GALNTL6: variants seen among roughly 807,000 people sequenced by gnomAD.
The protein encoded by GALNTL6 is polypeptide N-acetylgalactosaminyltransferase like 6, also known as polypeptide N-acetylgalactosaminyltransferase-like 6.
Under a neutral mutation model 73.7 loss-of-function variants are expected in GALNTL6, and 46 were observed. The ratio of observed to expected loss-of-function variants is 0.62; its 90% confidence interval spans 0.49 to 0.80. GALNTL6 has a LOEUF of 0.80. GALNTL6 is among the 30% of genes least tolerant of loss of function. The probability of loss-of-function intolerance (pLI) is 0.00; values close to 1 mark genes in which losing one functional copy is unlikely to be tolerated. For synonymous variants in GALNTL6, 259 were observed against 263.7 expected (o/e 0.98, Z 0.17); for missense variants, 604 against 755.0 (o/e 0.80, Z 2.34).
At chr4:172,167,955 G>A (rs1466288422) in intron 2 of GALNTL6, among the ~76,000 whole-genome samples, 2 of 126,828 alleles carry the variant, frequency 1.6e-5, no homozygotes, top group African/African-American at 3.2e-5. Context: ...AACAGAGCGA[G>A]ACTCCGTCTC....
At chr4:172,117,186 CCA>C (rs1296995619) in intron 2 of GALNTL6, among the ~76,000 whole-genome samples, 1 of 152,124 alleles carries the variant, frequency 6.6e-6, no homozygotes, top group Non-Finnish European at 1.5e-5. Context: ...ACTCTCACAT[CCA>C]CACAGATATC....
At chr4:171,884,088 G>T (rs1161919209) in intron 2 of GALNTL6, among the ~76,000 whole-genome samples, 1 of 152,142 alleles carries the variant, frequency 6.6e-6, no homozygotes, top group Non-Finnish European at 1.5e-5. Context: ...CTCTCGAAAA[G>T]TTGCAGTTAG....
At position 171,896,182 on chromosome 4, in the gene GALNTL6, A is replaced by G. The variant is rs148150501; in HGVS notation, c.138+81464A>G. Reference sequence around the variant, plus strand: ...GATTTATATTACAGATTTAATGAAGAATACTTAAAATGAAAAATATCTGGG... The same window carrying G: ...GATTTATATTACAGATTTAATGAAGGATACTTAAAATGAAAAATATCTGGG... On this transcript the variant is annotated intron_variant, in intron 2 of 12. Coordinates refer to ENST00000506823, the MANE Select transcript of GALNTL6 (RefSeq NM_001034845.3). Among the ~76,000 whole-genome samples, 3 of 152,240 alleles carry G rather than the reference A, an allele frequency of 2.0e-5. No individual in the cohort carries two copies. In the South Asian group the frequency reaches 6.2e-4, roughly 32 times the overall value.
intron 7 of GALNTL6, among the ~76,000 whole-genome samples, chr4:172,851,055 C>T (rs535330203): frequency 6.6e-6 from 1 of 152,114 alleles, no homozygotes; most frequent in Non-Finnish European, 1.5e-5. Flanking sequence ...TCCAGCCCCC[C>T]TTCCTTCTCC....
At chr4:172,388,441 A>G (rs945982142) in intron 5 of GALNTL6, among the ~76,000 whole-genome samples, 9 of 152,288 alleles carry the variant, frequency 5.9e-5, no homozygotes, top group Admixed American at 5.9e-4. Flanking sequence ...TATATGCCAC[A>G]GAAAGTATTT....
At chr4:171,932,960 G>A (rs903281069) in intron 2 of GALNTL6, among the ~76,000 whole-genome samples, 3 of 152,158 alleles carry the variant, frequency 2.0e-5, no homozygotes, top group Non-Finnish European at 2.9e-5. Flanking sequence ...CAGAGCAGCA[G>A]CATCAGTATC....
chr4:172,136,831 A>G (rs1733650045), intron 2 of GALNTL6, among the ~76,000 whole-genome samples: 1 of 152,050 alleles, frequency 6.6e-6, no homozygotes, highest in Non-Finnish European at 1.5e-5. Context: ...TTACTAAAAA[A>G]TACCAACCAT....
chr4:172,398,029 C>T (rs908111056), intron 5 of GALNTL6, among the ~76,000 whole-genome samples: 3 of 151,946 alleles, frequency 2.0e-5, no homozygotes, highest in Non-Finnish European at 4.4e-5. Context: ...AACTGCATGC[C>T]AACCATCAGG....
intron 2 of GALNTL6, among the ~76,000 whole-genome samples, chr4:172,177,209 CTTTA>C (rs1394148865): frequency 6.6e-6 from 1 of 152,100 alleles, no homozygotes; most frequent in African/African-American, 2.4e-5. Flanking sequence ...TAGGATATAA[CTTTA>C]TTTATATTGT....
chr4:172,502,413 A>G (rs1443867771), intron 5 of GALNTL6, among the ~76,000 whole-genome samples: 2 of 152,208 alleles, frequency 1.3e-5, no homozygotes, highest in Non-Finnish European at 2.9e-5. Flanking sequence ...AGTTATAACT[A>G]TGGTGAACAT....
intron 7 of GALNTL6, among the ~76,000 whole-genome samples, chr4:172,816,975 TG>T (rs1198855727): frequency 6.6e-6 from 1 of 151,674 alleles, no homozygotes; most frequent in Non-Finnish European, 1.5e-5. Context: ...GGCATGGTGG[TG>T]GGTGCCTGTA....
chr4:172,655,122 TC>T (rs1730908259), intron 5 of GALNTL6, among the ~76,000 whole-genome samples: 1 of 152,206 alleles, frequency 6.6e-6, no homozygotes, highest in Admixed American at 6.5e-5. Flanking sequence ...AATATTTAAT[TC>T]CATTTAAAAT....
intron 4 of GALNTL6, among the ~76,000 whole-genome samples, chr4:172,334,598 T>C (rs1741243828): frequency 6.6e-6 from 1 of 152,226 alleles, no homozygotes; most frequent in South Asian, 2.1e-4. Context: ...TTTACTGAAG[T>C]CGCTTATTAG....
chr4:172,141,211 T>C (rs892304802), intron 2 of GALNTL6, among the ~76,000 whole-genome samples: 2 of 151,916 alleles, frequency 1.3e-5, no homozygotes, highest in African/African-American at 2.4e-5. Flanking sequence ...ATAGTAAGTG[T>C]TTAAGTGTCA....
In GALNTL6 at chr4:172,713,819, C is replaced by T. The variant is rs139154680; in HGVS notation, c.554-95542C>T. On this transcript the variant is annotated intron_variant, in intron 5 of 12. Coordinates refer to ENST00000506823, the MANE Select transcript of GALNTL6 (RefSeq NM_001034845.3). ...TTGTCATCGTTTTAGTTAAATCTGC[C>T]CTTCTTTCTCATCTTTACTAATGCA... 2.0e-5 allele frequency among the ~76,000 whole-genome samples: 3 copies of T among 152,186 alleles called. No homozygotes were observed. The East Asian group carries it at 5.8e-4, about 30-fold the overall frequency.
At chr4:172,228,085 T>C (rs1736927616) in intron 2 of GALNTL6, among the ~76,000 whole-genome samples, 1 of 152,176 alleles carries the variant, frequency 6.6e-6, no homozygotes, top group South Asian at 2.1e-4. Context: ...TTTAATACTT[T>C]CTTTGTATAG....
chr4:172,861,770 C>G (rs978113008), intron 7 of GALNTL6, among the ~76,000 whole-genome samples: 1 of 152,164 alleles, frequency 6.6e-6, no homozygotes, highest in African/African-American at 2.4e-5. Flanking sequence ...GGAGTTCCCC[C>G]GTACACACTC....
intron 5 of GALNTL6, among the ~76,000 whole-genome samples, chr4:172,445,780 C>G (rs914804729): frequency 2.5e-4 from 38 of 152,126 alleles, no homozygotes; most frequent in Non-Finnish European, 1.0e-4. Context: ...AGTGTGTTTT[C>G]TCTCTTCCTC....
intron 5 of GALNTL6, among the ~76,000 whole-genome samples, chr4:172,543,458 T>C (rs766986256): frequency 2.1e-4 from 32 of 152,232 alleles, no homozygotes; most frequent in Non-Finnish European, 2.1e-4. Context: ...AGGGGCGCTG[T>C]CTTCCTTGAT....
Sources: allele counts gnomAD v4.1 joint callset (sites outside exome capture counted in the v4.1 genomes callset), GRCh38; gene constraint gnomAD v4.1.1; transcripts MANE v1.5; gene names NCBI Gene and HGNC (gene_info 2026-07-23, HGNC 2026-07-21).